Variants in NAA11 observed in about 807,000 individuals in gnomAD.
The protein encoded by NAA11 is N-alpha-acetyltransferase 11.
Under a neutral mutation model 16.1 loss-of-function variants are expected in NAA11, and 15 were observed. That is an observed-to-expected ratio of 0.93 (90% CI 0.62 to 1.44). The LOEUF is 1.44. Ranked by LOEUF, NAA11 falls within the 40% of genes most tolerant of loss-of-function variation. NAA11 has a pLI of 0.00. For synonymous variants in NAA11, 122 were observed against 112.4 expected (o/e 1.09, Z -0.54); for missense variants, 298 against 291.3 (o/e 1.02, Z -0.17).
At chr4:79,159,121 A>G in the NAA11 span, among the ~76,000 whole-genome samples, 17 of 152,242 alleles carry the variant, frequency 1.1e-4, no homozygotes, top group Admixed American at 2.6e-4. Context: ...TCTGCACTGC[A>G]AAAGGAACAG....
At chr4:79,189,552 C>T in the NAA11 span, among the ~76,000 whole-genome samples, 21 of 145,868 alleles carry the variant, frequency 1.4e-4, no homozygotes, top group Admixed American at 1.4e-3. Flanking sequence ...TGAGCTCTCA[C>T]CATGTCCCTG....
chr4:79,219,977 A>G, the NAA11 span, among the ~76,000 whole-genome samples: 3 of 152,218 alleles, frequency 2.0e-5, no homozygotes, highest in Non-Finnish European at 1.5e-5. Flanking sequence ...CTAACATAAT[A>G]AACTATTTTG....
At chr4:79,179,576 G>T in the NAA11 span, among the ~76,000 whole-genome samples, 1 of 152,162 alleles carries the variant, frequency 6.6e-6, no homozygotes, top group Admixed American at 6.5e-5. Flanking sequence ...TTGCACAGTG[G>T]TGTAGTTCCT....
At chr4:79,235,917 T>C (rs571791548) in intron 2 of NAA11, among the ~76,000 whole-genome samples, 9 of 152,100 alleles carry the variant, frequency 5.9e-5, no homozygotes, top group African/African-American at 1.2e-4. Flanking sequence ...ATGGATCAGA[T>C]AGATAGATCA....
the NAA11 span, among the ~76,000 whole-genome samples, chr4:79,198,654 C>T: frequency 6.6e-6 from 1 of 151,702 alleles, no homozygotes; most frequent in Non-Finnish European, 1.5e-5. Context: ...GAGAGAACAG[C>T]GACATTTTCC....
At chr4:79,241,822 A>G (rs2109961648) in intron 2 of NAA11, among the ~76,000 whole-genome samples, 1 of 152,330 alleles carries the variant, frequency 6.6e-6, no homozygotes, top group Admixed American at 6.5e-5. Flanking sequence ...GGAAGCTCAA[A>G]TGTGTTAGAA....
intron 1 of NAA11, among the ~76,000 whole-genome samples, chr4:79,306,167 T>C (rs760500325): frequency 1.3e-5 from 2 of 152,248 alleles, no homozygotes; most frequent in South Asian, 2.1e-4. Flanking sequence ...GACTTAACTT[T>C]GGGCCTTTCT....
At chr4:79,161,231 A>G in the NAA11 span, among the ~76,000 whole-genome samples, 3 of 150,996 alleles carry the variant, frequency 2.0e-5, no homozygotes, top group Non-Finnish European at 4.4e-5. Context: ...GCTGGAGTGC[A>G]TTGGCACGAT....
intron 2 of NAA11, among the ~76,000 whole-genome samples, chr4:79,250,987 G>T (rs777420182): frequency 1.3e-5 from 2 of 152,194 alleles, no homozygotes; most frequent in Non-Finnish European, 2.9e-5. Context: ...AAGTGAGTTT[G>T]CAGAGAAAAA....
the NAA11 span, among the ~76,000 whole-genome samples, chr4:79,207,702 A>C: frequency 6.6e-6 from 1 of 152,140 alleles, no homozygotes. Flanking sequence ...AGAAAGTTAC[A>C]CTTCAAAGGG....
chr4:79,323,408 T>C (rs1471543414), intron 1 of NAA11, among the ~76,000 whole-genome samples: 2 of 152,152 alleles, frequency 1.3e-5, no homozygotes, highest in Admixed American at 1.3e-4. Context: ...GTACAAGAGC[T>C]GGGCGCGGTG....
chr4:79,324,376 GGTTT>G (rs1724193397), intron 1 of NAA11, among the ~76,000 whole-genome samples: 1 of 152,066 alleles, frequency 6.6e-6, no homozygotes, highest in Non-Finnish European at 1.5e-5. Flanking sequence ...TCTTATACAT[GGTTT>G]GTTTGAATCA....
At chr4:79,200,975 A>T in the NAA11 span, among the ~76,000 whole-genome samples, 3 of 151,674 alleles carry the variant, frequency 2.0e-5, no homozygotes, top group Admixed American at 2.0e-4. Flanking sequence ...ATTTTTATGT[A>T]TGTATATACA....
chr4:79,217,541 A>G, the NAA11 span, among the ~76,000 whole-genome samples: 1 of 152,228 alleles, frequency 6.6e-6, no homozygotes, highest in East Asian at 1.9e-4. Context: ...TGTGTCTAAC[A>G]CTAATAGCTT....
At chr4:79,205,650 A>G in the NAA11 span, among the ~76,000 whole-genome samples, 3 of 151,676 alleles carry the variant, frequency 2.0e-5, no homozygotes, top group African/African-American at 7.3e-5. Flanking sequence ...TTTTTGTTGC[A>G]TTTGCTTTTG....
chr4:79,281,720 T>G (rs1043728580), intron 2 of NAA11, among the ~76,000 whole-genome samples: 1 of 152,072 alleles, frequency 6.6e-6, no homozygotes, highest in African/African-American at 2.4e-5. Flanking sequence ...AATGACAAAT[T>G]ACATCCCTAT....
intron 2 of NAA11, chr4:79,244,639 CCCGTCT>C (rs1308323930): frequency 1.9e-4 from 1 of 5,162 alleles, no homozygotes; most frequent in African/African-American, 3.9e-4. Flanking sequence ...CCTCCCCCTC[CCCGTCT>C]CCGTCTCCCG....
chr4:79,257,990 A>C (rs1722158218), intron 2 of NAA11, among the ~76,000 whole-genome samples: 1 of 152,252 alleles, frequency 6.6e-6, no homozygotes, highest in East Asian at 1.9e-4. Flanking sequence ...AATGCATATG[A>C]TAACAGTAGT....
At chr4:79,213,114 A>G in the NAA11 span, among the ~76,000 whole-genome samples, 1 of 152,176 alleles carries the variant, frequency 6.6e-6, no homozygotes, top group Non-Finnish European at 1.5e-5. Flanking sequence ...TATTATCACA[A>G]TGAAAGAGCA....
Sources: allele counts gnomAD v4.1 joint callset (sites outside exome capture counted in the v4.1 genomes callset), GRCh38; gene constraint gnomAD v4.1.1; transcripts MANE v1.5; gene names NCBI Gene and HGNC (gene_info 2026-07-23, HGNC 2026-07-21).